TPRG1: variants seen among roughly 807,000 people sequenced by gnomAD.
TPRG1 encodes the protein tumor protein p63 regulated 1.
TPRG1 carries 29 observed loss-of-function variants against 29.3 expected under a neutral mutation model. That is an observed-to-expected ratio of 0.99 (90% CI 0.74 to 1.35). The LOEUF (loss-of-function observed/expected upper bound fraction) is 1.35. TPRG1 is among the 40% of genes most tolerant of loss of function. TPRG1 has a pLI of 0.00. For missense variants in TPRG1, 327 were observed against 335.0 expected, an observed-to-expected ratio of 0.98 and a Z score of 0.19; for synonymous variants, 130 against 116.8, an observed-to-expected ratio of 1.11 and a Z score of -0.73.
At chr3:189,135,200 A>G (rs1342867286) in intron 3 of TPRG1, among the ~76,000 whole-genome samples, 3 of 152,182 alleles carry the variant, frequency 2.0e-5, no homozygotes, top group Non-Finnish European at 2.9e-5. Flanking sequence ...AAAATCATAC[A>G]GTCCCTGGGC....
intron 4 of TPRG1, among the ~76,000 whole-genome samples, chr3:189,306,034 T>A (rs1273256651): frequency 6.6e-6 from 1 of 152,198 alleles, no homozygotes; most frequent in Non-Finnish European, 1.5e-5. Context: ...TTTCTATTTG[T>A]GCTTTTTGAG....
rs1560708693 is a variant in TPRG1 at position 189,323,778 on chromosome 3, T to A, written c.*2958T>A. 6.6e-6 allele frequency: 1 copy of A among 152,126 alleles called. No homozygotes were observed. 9.4% of individuals were successfully genotyped at this position (152,126 alleles called of 1,614,324 possible). On this transcript the variant is annotated 3_prime_UTR_variant, in exon 6 of 6. Coordinates refer to ENST00000345063, the MANE Select transcript of TPRG1 (RefSeq NM_198485.4). ...ATAATAGGAGTAGACGCAAGATACATTAAGTAGAGTACAAAGCATTTCATA... is the reference window on the plus strand; with the variant it reads ...ATAATAGGAGTAGACGCAAGATACAATAAGTAGAGTACAAAGCATTTCATA...
At chr3:189,168,742 TTCCCAAAAGAC>T (rs1049531389), upstream of TPRG1, among the ~76,000 whole-genome samples, 5 of 152,204 alleles carry the variant, frequency 3.3e-5, no homozygotes, top group African/African-American at 1.2e-4. Flanking sequence ...GAACTCCTCT[TTCCCAAAAGAC>T]TCCTGGGACA....
intron 3 of TPRG1, among the ~76,000 whole-genome samples, chr3:189,005,052 A>G (rs1712215875): frequency 6.6e-6 from 1 of 152,146 alleles, no homozygotes; most frequent in African/African-American, 2.4e-5. Context: ...CTAAAAATCA[A>G]AACAATTGAA....
At chr3:189,056,779 C>T (rs1715727000) in intron 4 of TPRG1, among the ~76,000 whole-genome samples, 1 of 152,142 alleles carries the variant, frequency 6.6e-6, no homozygotes. Context: ...GATACTGCAG[C>T]AGGGTGGGGT....
chr3:189,298,555 G>A (rs1720321476), intron 4 of TPRG1, among the ~76,000 whole-genome samples: 2 of 152,114 alleles, frequency 1.3e-5, no homozygotes, highest in African/African-American at 4.8e-5. Context: ...TTACATAAAA[G>A]TACTTCATCA....
chr3:189,092,387 T>C (rs1718392578), intron 4 of TPRG1, among the ~76,000 whole-genome samples: 1 of 152,116 alleles, frequency 6.6e-6, no homozygotes, highest in Admixed American at 6.5e-5. Flanking sequence ...TGCATCTTCA[T>C]GGATTTGATA....
At chr3:189,094,268 G>A (rs1035920907) in intron 4 of TPRG1, among the ~76,000 whole-genome samples, 2 of 152,158 alleles carry the variant, frequency 1.3e-5, no homozygotes, top group African/African-American at 4.8e-5. Context: ...AGTAAGTGGA[G>A]TACTGAACAG....
chr3:189,024,161 A>T (rs1300011886), intron 4 of TPRG1, among the ~76,000 whole-genome samples: 1 of 152,232 alleles, frequency 6.6e-6, no homozygotes, highest in Non-Finnish European at 1.5e-5. Context: ...CCAGGGAGAA[A>T]TTAGAACTCT....
intron 1 of TPRG1, among the ~76,000 whole-genome samples, chr3:189,204,145 T>C (rs1733953913): frequency 6.6e-6 from 1 of 151,858 alleles, no homozygotes; most frequent in African/African-American, 2.4e-5. Context: ...AATGAAGATA[T>C]AAATTTACTG....
chr3:189,198,556 G>T (rs184641404), intron 1 of TPRG1, among the ~76,000 whole-genome samples: 1 of 152,310 alleles, frequency 6.6e-6, no homozygotes, highest in South Asian at 2.1e-4. Context: ...GAGGAAATGC[G>T]CACAGATAAA....
intron 4 of TPRG1, among the ~76,000 whole-genome samples, chr3:189,260,927 C>A (rs1248275466): frequency 2.0e-5 from 3 of 152,186 alleles, no homozygotes; most frequent in Non-Finnish European, 2.9e-5. Context: ...TAATTTGGCA[C>A]CTCTTCCTGA....
At chr3:189,090,428 A>T (rs1718266357) in intron 4 of TPRG1, among the ~76,000 whole-genome samples, 1 of 152,114 alleles carries the variant, frequency 6.6e-6, no homozygotes, top group East Asian at 1.9e-4. Context: ...GAAAAAATAT[A>T]TATTGTTAAT....
At chr3:189,146,606 T>C (rs1250536100) in intron 3 of TPRG1, among the ~76,000 whole-genome samples, 2 of 152,190 alleles carry the variant, frequency 1.3e-5, no homozygotes, top group African/African-American at 2.4e-5. Context: ...TCCCCCATAT[T>C]ATAATTGCTG....
intron 3 of TPRG1, among the ~76,000 whole-genome samples, chr3:189,133,393 T>C (rs1405148938): frequency 1.3e-5 from 2 of 152,188 alleles, no homozygotes; most frequent in Non-Finnish European, 2.9e-5. Context: ...AAATTAATTT[T>C]GGCCTGATAT....
chr3:189,291,358 T>C (rs1468591855), intron 4 of TPRG1, among the ~76,000 whole-genome samples: 2 of 152,148 alleles, frequency 1.3e-5, no homozygotes. Flanking sequence ...TAAAAATACT[T>C]TGTATATTTT....
intron 5 of TPRG1, among the ~76,000 whole-genome samples, chr3:189,165,136 A>C (rs1727987742): frequency 1.3e-5 from 2 of 152,176 alleles, no homozygotes; most frequent in Non-Finnish European, 2.9e-5. Context: ...GATGGAGGGT[A>C]ATGAAACTTT....
chr3:189,036,106 T>C (rs113757781), intron 4 of TPRG1, among the ~76,000 whole-genome samples: 114 of 152,012 alleles, frequency 7.5e-4, no homozygotes, highest in African/African-American at 2.3e-3. Context: ...AAAAACAAAA[T>C]CCTGTCCTTT....
At chr3:189,027,125 A>C (rs573045743) in intron 4 of TPRG1, among the ~76,000 whole-genome samples, 84 of 152,300 alleles carry the variant, frequency 5.5e-4, no homozygotes, top group Admixed American at 2.0e-3. Context: ...GTGGGAAAGC[A>C]CTAGAGAAAA....
Sources: gnomAD v4.1 joint callset for allele counts (sites outside exome capture counted in the v4.1 genomes callset) on GRCh38, gnomAD v4.1.1 for gene constraint, MANE v1.5 for transcripts, NCBI Gene and HGNC (gene_info 2026-07-23, HGNC 2026-07-21) for gene names.